TPO: variants seen among roughly 807,000 people sequenced by gnomAD.
TPO encodes thyroid microsomal antigen.
A neutral mutation model predicts 96.9 loss-of-function variants in TPO; 78 were observed. That is an observed-to-expected ratio of 0.81 (90% CI 0.67 to 0.97). TPO has a LOEUF of 0.97. Ranked by LOEUF, TPO falls within the 50% of genes least tolerant of loss-of-function variation. The pLI, the probability that TPO is intolerant of heterozygous loss-of-function variation, is 0.00. For synonymous variants in TPO, 547 were observed against 538.0 expected (o/e 1.02, Z -0.23); for missense variants, 1,252 against 1,274.8 (o/e 0.98, Z 0.27).
chr2:1,420,123 G>C (rs1663357769), intron 2 of TPO, among the ~76,000 whole-genome samples: 1 of 152,242 alleles, frequency 6.6e-6, no homozygotes, highest in South Asian at 2.1e-4. Flanking sequence ...TAATCTGCAA[G>C]CCTATAAGAA....
chr2:1,495,885 G>T (rs542447240), intron 11 of TPO, 104 bp from the exon 12 acceptor site: 6 of 1,326,798 alleles, frequency 4.5e-6, no homozygotes, highest in Non-Finnish European at 6.3e-6. Context: ...GGCAGACGCC[G>T]CAGGAGAGGC....
At chr2:1,481,006 G>A (rs538780453) in intron 8 of TPO, among the ~76,000 whole-genome samples, 54 of 151,836 alleles carry the variant, frequency 3.6e-4, no homozygotes, top group African/African-American at 1.3e-3. Context: ...GATCTGCAGG[G>A]CCGCCCTCTG....
intron 7 of TPO, among the ~76,000 whole-genome samples, chr2:1,475,809 C>G (rs1669870788): frequency 2.0e-5 from 3 of 152,216 alleles, no homozygotes; most frequent in Admixed American, 2.0e-4. Context: ...TGGCTCTGAG[C>G]CAAGGCTGGG....
At chr2:1,479,804 G>A (rs1228525929) in intron 8 of TPO, among the ~76,000 whole-genome samples, 3 of 148,092 alleles carry the variant, frequency 2.0e-5, no homozygotes, top group Non-Finnish European at 4.5e-5. Context: ...TTTTTTTTGA[G>A]ACAGTCTCAC....
chr2:1,397,477 G>A (rs780209609), intron 1 of TPO, among the ~76,000 whole-genome samples: 18 of 152,302 alleles, frequency 1.2e-4, no homozygotes, highest in Middle Eastern at 6.8e-3. Flanking sequence ...TGGCAGAGCC[G>A]TGCTCCAGTG....
At chr2:1,477,017 C>G in intron 7 of TPO, 69 bp from the exon 8 acceptor site, 1 of 1,535,622 alleles carries the variant, frequency 6.5e-7, no homozygotes. Context: ...TCGCCGGCCT[C>G]GAACTTCCAG....
intron 8 of TPO, among the ~76,000 whole-genome samples, chr2:1,482,807 G>A (rs1670771952): frequency 6.6e-6 from 1 of 152,078 alleles, no homozygotes; most frequent in Admixed American, 6.6e-5. Flanking sequence ...CCAAGTAGCT[G>A]GGACTACAGG....
intron 15 of TPO, among the ~76,000 whole-genome samples, chr2:1,527,340 C>T (rs1191114734): frequency 1.6e-5 from 2 of 127,294 alleles, no homozygotes; most frequent in African/African-American, 6.3e-5. Context: ...TCCCAAAATA[C>T]CCCCCGTGAG....
At chr2:1,535,330 C>T (rs1679362128) in intron 15 of TPO, among the ~76,000 whole-genome samples, 1 of 99,618 alleles carries the variant, frequency 1.0e-5, no homozygotes, top group Non-Finnish European at 2.1e-5. Context: ...TCAAATCCCC[C>T]CCACTGTATG....
At chr2:1,541,043 C>T (rs1680704010) in intron 16 of TPO, 2 of 1,302,890 alleles carry the variant, frequency 1.5e-6, no homozygotes, top group South Asian at 3.1e-5. Flanking sequence ...GAAGCTGAAG[C>T]AAAACCCTGA....
At chr2:1,442,547 A>G (rs544173835) in intron 5 of TPO, among the ~76,000 whole-genome samples, 1 of 152,322 alleles carries the variant, frequency 6.6e-6, no homozygotes, top group East Asian at 1.9e-4. Context: ...CTTCATATAG[A>G]ATTTGCCTTC....
chr2:1,542,220 T>C (rs1680846402), intron 16 of TPO: 3 of 699,662 alleles, frequency 4.3e-6, no homozygotes, highest in South Asian at 1.8e-5. Context: ...GTGGATCCTC[T>C]GTGGCCTCCT....
chr2:1,539,904 TCAAGGGAAACAA>T (rs1184184291), intron 15 of TPO, among the ~76,000 whole-genome samples: 1 of 151,944 alleles, frequency 6.6e-6, no homozygotes, highest in Non-Finnish European at 1.5e-5. Context: ...AAACGCAGAA[TCAAGGGAAACAA>T]ACAGCTGGAA....
At chr2:1,413,146 G>C (rs879792790), upstream of TPO, among the ~76,000 whole-genome samples, 1 of 152,178 alleles carries the variant, frequency 6.6e-6, no homozygotes, top group East Asian at 1.9e-4. Context: ...TTTTCACAGG[G>C]TATTTAACTG....
chr2:1,414,038 A>G (rs1480868980), intron 1 of TPO, among the ~76,000 whole-genome samples: 1 of 152,158 alleles, frequency 6.6e-6, no homozygotes, highest in East Asian at 1.9e-4. Flanking sequence ...TGCCACATAG[A>G]TGCATTAGGG....
At position 1,487,753 on chromosome 2, in the gene TPO, T is replaced by C. The variant is rs920120034; in HGVS notation, c.1598-68T>C. The C allele has an allele frequency of 3.3e-6, 5 of 1,526,680 alleles. No individual in the cohort carries two copies. The African/African-American group carries it at 6.9e-5, about 21-fold the overall frequency. The allele number at this position is 1,526,680 out of a possible 1,614,324, so 94.6% of individuals were successfully genotyped here. A position where few individuals can be genotyped will look rare whatever the true frequency, so the allele number is the denominator to read the frequency against. On this transcript the variant is annotated intron_variant, in intron 9 of 16. Transcript: ENST00000329066. ...GACTCCGTCTCAAAAAAAAAAAAAA[T>C]TGAGATATTGTTGTTTCTCTAGAAC...
chr2:1,460,218 G>C (rs948489930), intron 7 of TPO, among the ~76,000 whole-genome samples: 3 of 152,134 alleles, frequency 2.0e-5, no homozygotes, highest in African/African-American at 7.2e-5. Context: ...TTACAGGTAT[G>C]AGCCACTGTG....
At chr2:1,449,000 A>G (rs921730562) in intron 5 of TPO, among the ~76,000 whole-genome samples, 4 of 152,290 alleles carry the variant, frequency 2.6e-5, no homozygotes, top group Non-Finnish European at 5.9e-5. Flanking sequence ...CGATCCCACC[A>G]GGGATCAAAA....
At position 1,399,116 on chromosome 2, in the gene TPO, A is replaced by G. The variant is rs185791835; in HGVS notation, n.180+24714A>G. ...AGGTGGCGGCTGCAGTTGTTTCTGCAGGACAGGACTCTGGGTTCACCCATG... is the reference window on the plus strand; with the variant it reads ...AGGTGGCGGCTGCAGTTGTTTCTGCGGGACAGGACTCTGGGTTCACCCATG... On this transcript the variant is annotated intron_variant and non_coding_transcript_variant, in intron 1 of 5. Coordinates refer to the TPO transcript ENST00000497517. Among the ~76,000 whole-genome samples, 14 of 152,324 alleles carry G rather than the reference A, an allele frequency of 9.2e-5. No individual in the cohort carries two copies. The East Asian group carries it at 1.5e-3, about 17-fold the overall frequency.
Sources: allele counts gnomAD v4.1 joint callset (sites outside exome capture counted in the v4.1 genomes callset), GRCh38; gene constraint gnomAD v4.1.1; transcripts MANE v1.5; gene names NCBI Gene and HGNC (gene_info 2026-07-23, HGNC 2026-07-21).